FMN1: variants seen among roughly 807,000 people sequenced by gnomAD.
FMN1 encodes the protein formin 1.
FMN1 carries 110 observed loss-of-function variants against 132.4 expected under a neutral mutation model. The ratio of observed to expected loss-of-function variants is 0.83; its 90% CI spans 0.71 to 0.97. FMN1 has a LOEUF of 0.97. Ranked by LOEUF, FMN1 falls within the 50% of genes least tolerant of loss-of-function variation. The pLI is 0.00. For synonymous variants in FMN1, 722 were observed against 651.7 expected (o/e 1.11, Z -1.64); for missense variants, 1,792 against 1,705.3 (o/e 1.05, Z -0.90).
At chr15:32,963,925 A>ACT (rs2030888183) in intron 9 of FMN1, among the ~76,000 whole-genome samples, 182 bp downstream of exon 9, 2 of 137,880 alleles carry the variant, frequency 1.5e-5, no homozygotes, top group African/African-American at 5.3e-5. Context: ...CCTATGAATC[A>ACT]CACACACACA....
chr15:32,962,045 CTAT>C (rs1159063530), intron 9 of FMN1, among the ~76,000 whole-genome samples: 1 of 152,146 alleles, frequency 6.6e-6, no homozygotes, highest in Admixed American at 6.5e-5. Context: ...CCCTGCACTA[CTAT>C]GTGATTGACA....
rs116675867 is a variant in FMN1, at chr15:33,009,086, G to A, written c.2162-1011C>T. The stretch of plus-strand genomic sequence containing the variant: ...AAGTAGTGTTGCTGCTGATAATTAC[G>A]GCTAGATAGACCTCTACTGTTGTGG... On this transcript the variant is annotated intron_variant, in intron 6 of 20. Transcript: ENST00000616417. Among the ~76,000 whole-genome samples the A allele has an allele frequency of 4.3e-3, 654 of 152,264 alleles. 7 individuals carry two copies. Among genetic ancestry groups the A allele is most frequent in the African/African-American group, 0.015 (609 of 41,546 alleles).
At chr15:32,836,742 C>T (rs1387340439) in intron 17 of FMN1, among the ~76,000 whole-genome samples, 1 of 152,086 alleles carries the variant, frequency 6.6e-6, no homozygotes, top group Non-Finnish European at 1.5e-5. Context: ...CTTTTAAAAT[C>T]TGAAAACAAG....
chr15:32,823,417 G>A (rs113695610), intron 17 of FMN1, among the ~76,000 whole-genome samples: 2 of 151,926 alleles, frequency 1.3e-5, no homozygotes, highest in African/African-American at 4.8e-5. Flanking sequence ...GCCCACCTTG[G>A]CCTCCCAAAG....
At chr15:33,028,247 G>T (rs1469237536) in intron 6 of FMN1, among the ~76,000 whole-genome samples, 1 of 152,156 alleles carries the variant, frequency 6.6e-6, no homozygotes, top group African/African-American at 2.4e-5. Context: ...AACTGCATTT[G>T]TAAGTTATCC....
chr15:32,894,172 C>T (rs1485238761), intron 15 of FMN1, among the ~76,000 whole-genome samples: 4 of 152,110 alleles, frequency 2.6e-5, no homozygotes, highest in Non-Finnish European at 5.9e-5. Flanking sequence ...TTATCAGACA[C>T]CTGTATTACA....
At chr15:33,186,136 AAAGG>A (rs1265594526) in intron 2 of FMN1, among the ~76,000 whole-genome samples, 1 of 152,040 alleles carries the variant, frequency 6.6e-6, no homozygotes, top group Admixed American at 6.6e-5. Context: ...CTGTGCCCCA[AAAGG>A]AAGCCTCATG....
chr15:32,831,856 T>C (rs2058510885), intron 17 of FMN1, among the ~76,000 whole-genome samples: 1 of 152,098 alleles, frequency 6.6e-6, no homozygotes, highest in Admixed American at 6.5e-5. Context: ...TTTTGAATAT[T>C]TGCAAAGAAA....
At chr15:32,834,965 C>T (rs2058588597) in intron 17 of FMN1, among the ~76,000 whole-genome samples, 1 of 152,236 alleles carries the variant, frequency 6.6e-6, no homozygotes, top group African/African-American at 2.4e-5. Context: ...TGTTCTGAAA[C>T]TGCCATTGCA....
intron 4 of FMN1, among the ~76,000 whole-genome samples, chr15:33,106,514 G>C (rs1303761959): frequency 6.6e-6 from 1 of 151,910 alleles, no homozygotes; most frequent in East Asian, 1.9e-4. Context: ...AACTTCTCAG[G>C]AGCATCCAGC....
At chr15:32,973,741 A>C (rs893030740) in intron 7 of FMN1, among the ~76,000 whole-genome samples, 4 of 152,118 alleles carry the variant, frequency 2.6e-5, no homozygotes, top group African/African-American at 4.8e-5. Flanking sequence ...ATATCATACC[A>C]ATTATTTCAA....
intron 9 of FMN1, among the ~76,000 whole-genome samples, chr15:32,954,060 A>G (rs1230808692): frequency 6.6e-6 from 1 of 152,188 alleles, no homozygotes; most frequent in Non-Finnish European, 1.5e-5. Context: ...GAGGGGTTAC[A>G]TGACTGGACA....
At chr15:33,094,012 G>A (rs1255558262) in intron 4 of FMN1, among the ~76,000 whole-genome samples, 1 of 152,180 alleles carries the variant, frequency 6.6e-6, no homozygotes, top group Non-Finnish European at 1.5e-5. Flanking sequence ...AGCAAAGGCA[G>A]AACTAAAATC....
At chr15:32,980,785 G>A (rs2032590126) in intron 7 of FMN1, among the ~76,000 whole-genome samples, 2 of 152,092 alleles carry the variant, frequency 1.3e-5, no homozygotes, top group Admixed American at 1.3e-4. Context: ...GGAGGCCAAG[G>A]AAGGCGGATC....
chr15:33,159,824 GTT>G (rs1964817527), intron 3 of FMN1, among the ~76,000 whole-genome samples: 1 of 152,208 alleles, frequency 6.6e-6, no homozygotes, highest in Non-Finnish European at 1.5e-5. Flanking sequence ...ATAGAAAGAA[GTT>G]TTCTTGTTGG....
chr15:33,001,273 G>C (rs1179596014), intron 7 of FMN1, among the ~76,000 whole-genome samples: 1 of 151,870 alleles, frequency 6.6e-6, no homozygotes, highest in Non-Finnish European at 1.5e-5. Context: ...ACAAGAGTAA[G>C]ACTCCGTCTC....
intron 18 of FMN1, among the ~76,000 whole-genome samples, chr15:32,802,471 C>A (rs569754317): frequency 6.6e-6 from 1 of 152,170 alleles, no homozygotes; most frequent in Non-Finnish European, 1.5e-5. Flanking sequence ...AATATTGCAA[C>A]ACTGACCACA....
chr15:33,060,520 A>C (rs1424862777), intron 6 of FMN1, among the ~76,000 whole-genome samples: 1 of 152,212 alleles, frequency 6.6e-6, no homozygotes, highest in Non-Finnish European at 1.5e-5. Context: ...CTAAATAGGG[A>C]TGTTTCTAAA....
At chr15:32,986,504 T>C (rs770191259) in intron 7 of FMN1, among the ~76,000 whole-genome samples, 37 of 152,266 alleles carry the variant, frequency 2.4e-4, no homozygotes, top group Non-Finnish European at 3.7e-4. Context: ...TGTGTAAACA[T>C]AGATTAAGAA....
Sources: allele counts gnomAD v4.1 joint callset (sites outside exome capture counted in the v4.1 genomes callset), GRCh38; gene constraint gnomAD v4.1.1; transcripts MANE v1.5; gene names NCBI Gene and HGNC (gene_info 2026-07-23, HGNC 2026-07-21).